NRXN3: variants seen among roughly 807,000 people sequenced by gnomAD.
The protein encoded by NRXN3 is neurexin III.
NRXN3 carries 32 observed loss-of-function variants against 137.6 expected under a neutral mutation model. The ratio of observed to expected loss-of-function variants is 0.23; its 90% CI spans 0.18 to 0.31. The LOEUF (loss-of-function observed/expected upper bound fraction) is 0.31, where lower values mean the gene tolerates loss of function less well. Among genes scored for constraint, NRXN3 ranks in the 10% least tolerant of loss-of-function variants. The pLI is 1.00. For synonymous variants in NRXN3, 798 were observed against 784.5 expected, an observed-to-expected ratio of 1.02 and a Z score of -0.29; for missense variants, 1,574 against 2,062.5, an observed-to-expected ratio of 0.76 and a Z score of 4.59.
At chr14:79,116,000 G>A (rs1489348275) in intron 15 of NRXN3, among the ~76,000 whole-genome samples, 1 of 152,080 alleles carries the variant, frequency 6.6e-6, no homozygotes, top group Non-Finnish European at 1.5e-5. Flanking sequence ...GAGAGAATGA[G>A]GGATACACGC....
chr14:78,245,851 C>G (rs1446793948), intron 2 of NRXN3, among the ~76,000 whole-genome samples: 3 of 152,150 alleles, frequency 2.0e-5, no homozygotes. Flanking sequence ...TTCTGTTTTT[C>G]CTCCACTGAA....
intron 10 of NRXN3, among the ~76,000 whole-genome samples, chr14:78,947,938 A>G (rs2099370438): frequency 6.6e-6 from 1 of 152,200 alleles, no homozygotes; most frequent in Admixed American, 6.5e-5. Context: ...ATAGCTTGTG[A>G]GCTTGTGCAG....
chr14:79,314,836 A>G (rs377644370), intron 15 of NRXN3, among the ~76,000 whole-genome samples: 46 of 149,852 alleles, frequency 3.1e-4, no homozygotes, highest in East Asian at 4.1e-4. Flanking sequence ...GTATTCCAAC[A>G]GACCTGCAGC....
intron 16 of NRXN3, among the ~76,000 whole-genome samples, chr14:79,499,238 G>C (rs7145924): frequency 1.3e-5 from 2 of 152,092 alleles, no homozygotes; most frequent in African/African-American, 2.4e-5. Context: ...CATCCTCCTC[G>C]TCTACCACTT....
chr14:78,345,703 G>C (rs1002092700), intron 4 of NRXN3, among the ~76,000 whole-genome samples: 1 of 152,116 alleles, frequency 6.6e-6, no homozygotes, highest in Admixed American at 6.5e-5. Context: ...AACCCGTTTT[G>C]GGATGTTGAG....
intron 19 of NRXN3, chr14:79,760,890 T>G (rs1029966576): frequency 6.6e-6 from 1 of 151,634 alleles, no homozygotes; most frequent in East Asian, 1.9e-4. Flanking sequence ...AGCCTTGGAT[T>G]TACATGTGCC....
chr14:78,927,450 G>A (rs1597482427), intron 10 of NRXN3, among the ~76,000 whole-genome samples: 2 of 152,122 alleles, frequency 1.3e-5, no homozygotes, highest in Admixed American at 1.3e-4. Context: ...AACCACAGTA[G>A]CCTCATAGAG....
At chr14:79,244,672 G>A (rs1227815390) in intron 15 of NRXN3, among the ~76,000 whole-genome samples, 3 of 152,146 alleles carry the variant, frequency 2.0e-5, no homozygotes, top group African/African-American at 7.2e-5. Context: ...AACAAGATGT[G>A]CTGAGGAGAG....
intron 15 of NRXN3, among the ~76,000 whole-genome samples, chr14:79,246,473 T>A (rs1292177732): frequency 6.6e-6 from 1 of 152,148 alleles, no homozygotes; most frequent in Non-Finnish European, 1.5e-5. Context: ...TAGCCGATCC[T>A]CTCCATCCAG....
intron 1 of NRXN3, among the ~76,000 whole-genome samples, chr14:78,235,040 G>GTATATATATATATATATATA (rs1338237743): frequency 1.9e-5 from 2 of 103,812 alleles, no homozygotes; most frequent in African/African-American, 6.4e-5. Flanking sequence ...ATATATATGT[G>GTATATATATATATATATATA]TGTGTGTGTG....
At chr14:79,315,941 A>G (rs2088551019) in intron 15 of NRXN3, among the ~76,000 whole-genome samples, 1 of 152,230 alleles carries the variant, frequency 6.6e-6, no homozygotes, top group Non-Finnish European at 1.5e-5. Context: ...ATGGTTAAAT[A>G]AGAAATACAT....
chr14:78,211,688 A>AG (rs1220316454), intron 1 of NRXN3, among the ~76,000 whole-genome samples: 1 of 152,242 alleles, frequency 6.6e-6, no homozygotes, highest in African/African-American at 2.4e-5. Context: ...CCACTATTCT[A>AG]ACGTCTGCCT....
intron 15 of NRXN3, among the ~76,000 whole-genome samples, chr14:79,208,058 C>A (rs2067059726): frequency 2.0e-5 from 3 of 152,006 alleles, no homozygotes; most frequent in African/African-American, 7.3e-5. Flanking sequence ...GTGATTGTTC[C>A]ATACTTTAAA....
intron 8 of NRXN3, among the ~76,000 whole-genome samples, chr14:78,773,812 C>G (rs939875624): frequency 6.6e-6 from 1 of 151,912 alleles, no homozygotes; most frequent in Non-Finnish European, 1.5e-5. Context: ...TTGTTTGTTT[C>G]TTTATTTTGA....
intron 19 of NRXN3, among the ~76,000 whole-genome samples, chr14:79,702,673 G>A (rs1208212650): frequency 1.3e-5 from 2 of 151,980 alleles, no homozygotes; most frequent in African/African-American, 4.8e-5. Context: ...AAGTGGGAGA[G>A]GGCCCAGAGG....
intron 10 of NRXN3, among the ~76,000 whole-genome samples, chr14:78,842,669 C>T (rs1305634809): frequency 6.6e-6 from 1 of 152,078 alleles, no homozygotes; most frequent in Non-Finnish European, 1.5e-5. Flanking sequence ...CCTGGGAGCA[C>T]CACAGGAGAT....
intron 1 of NRXN3, among the ~76,000 whole-genome samples, chr14:78,188,150 C>A (rs12895757): frequency 1.6e-4 from 25 of 151,884 alleles, no homozygotes; most frequent in Admixed American, 1.5e-3. Context: ...CATCCGGGAC[C>A]AAAAACAGGA....
chr14:79,737,852 C>T (rs2098947547), intron 19 of NRXN3, among the ~76,000 whole-genome samples: 1 of 152,066 alleles, frequency 6.6e-6, no homozygotes, highest in Admixed American at 6.6e-5. Flanking sequence ...GCCACCATGC[C>T]CAGCCCATTG....
intron 16 of NRXN3, among the ~76,000 whole-genome samples, chr14:79,508,635 G>A (rs550850780): frequency 1.6e-3 from 239 of 151,368 alleles, no homozygotes; most frequent in African/African-American, 5.4e-3. Flanking sequence ...CAGGTGATCC[G>A]CCCGCCTCGG....
Sources: allele counts gnomAD v4.1 joint callset (sites outside exome capture counted in the v4.1 genomes callset), GRCh38; gene constraint gnomAD v4.1.1; transcripts MANE v1.5; gene names NCBI Gene and HGNC (gene_info 2026-07-23, HGNC 2026-07-21).